The following FGD2 variants were observed in gnomAD, a reference collection of about 807,000 sequenced individuals.
FGD2 encodes FYVE, RhoGEF and PH domain-containing protein 2.
FGD2 carries 52 observed loss-of-function variants against 75.9 expected under a neutral mutation model. That is an observed-to-expected ratio of 0.69 (90% confidence interval 0.55 to 0.86). The LOEUF is 0.86. FGD2 is among the 40% of genes least tolerant of loss of function. The pLI is 0.00. For missense variants in FGD2, 790 were observed against 872.0 expected (o/e 0.91, Z 1.18); for synonymous variants, 347 against 348.6 (o/e 1.00, Z 0.05).
rs566830080 is a variant in FGD2, at chr6:37,012,014, G to A, written c.527+160G>A. The stretch of plus-strand genomic sequence containing the variant: ...TCTGTCTGCACAGTGAAGGGCTTGG[G>A]TGAATGAGCTCTGAGAGGCTGTGTG... On this transcript the variant is annotated intron_variant, in intron 4 of 15. Coordinates refer to ENST00000274963, the MANE Select transcript of FGD2 (RefSeq NM_173558.4). 4 of 733,358 alleles carry A rather than the reference G, an allele frequency of 5.5e-6. No homozygotes were observed. In the East Asian group the frequency reaches 1.1e-4, roughly 21 times the overall value. 45.4% of individuals were successfully genotyped at this position (733,358 alleles called of 1,614,324 possible). A position where few individuals can be genotyped will look rare whatever the true frequency, so the allele number is the denominator to read the frequency against.
In FGD2 at chr6:37,013,619, C is replaced by T. The variant is rs755462020; in HGVS notation, c.538C>T (p.Pro180Ser). The T allele has an allele frequency of 1.9e-6, 3 of 1,613,724 alleles. No individual in the cohort carries two copies. The highest frequency in any genetic ancestry group is 2.7e-5 in the African/African-American group (2 of 74,902). The change falls in exon 5 of 16, where the codon CCC (proline) becomes TCC (serine). Residue 180 changes from proline (P) to serine (S), a missense_variant. Pro to Ser is a moderately conservative substitution (Grantham distance 74). Coordinates refer to ENST00000274963, the MANE Select transcript of FGD2 (RefSeq NM_173558.4). ...QRRLDDWTANPRIGDVIQKLA... is the reference protein window; with the variant it reads ...QRRLDDWTANSRIGDVIQKLA... Reference sequence around the variant, plus strand: ...GTGCCCCTCCTGCAGGACAGCTAACCCCCGCATCGGTGACGTGATCCAGAA... The same window carrying T: ...GTGCCCCTCCTGCAGGACAGCTAACTCCCGCATCGGTGACGTGATCCAGAA...
intron 12 of FGD2, 125 bp from the exon 13 acceptor site, chr6:37,022,114 C>T: frequency 7.5e-7 from 1 of 1,338,578 alleles, no homozygotes; most frequent in East Asian, 2.7e-5. Context: ...CTGTAGAAGC[C>T]CCAGGGAAGC....
At chr6:37,020,807 G>C (rs1765542800) in intron 11 of FGD2, 68 bp downstream of exon 11, 1 of 1,542,926 alleles carries the variant, frequency 6.5e-7, no homozygotes, top group African/African-American at 1.4e-5. Flanking sequence ...TTTCTTTCTT[G>C]GTACTAGACT....
rs144679174 is a variant in FGD2 at position 37,012,259 on chromosome 6, C to T, written c.527+405C>T. On this transcript the variant is annotated intron_variant, in intron 4 of 15. Coordinates refer to ENST00000274963, the MANE Select transcript of FGD2 (RefSeq NM_173558.4). ...GAAACCCTCTTGTTTTCACAGATGGCCACTAAAGCATTTAACAGTGAAGTT... is the reference window on the plus strand; with the variant it reads ...GAAACCCTCTTGTTTTCACAGATGGTCACTAAAGCATTTAACAGTGAAGTT... 4.9e-3 allele frequency among the ~76,000 whole-genome samples: 744 copies of T among 152,282 alleles called. 4 individuals are homozygous for T. The highest frequency in any genetic ancestry group is 0.017 in the African/African-American group (716 of 41,544).
chr6:37,019,869 TTGA>T (rs1765488873), intron 9 of FGD2, among the ~76,000 whole-genome samples: 1 of 150,952 alleles, frequency 6.6e-6, no homozygotes. Flanking sequence ...TTTTTTTTTT[TTGA>T]GACAGAGTCT....
intron 1 of FGD2, among the ~76,000 whole-genome samples, chr6:37,007,874 A>T (rs1190486294): frequency 6.6e-6 from 1 of 152,158 alleles, no homozygotes; most frequent in African/African-American, 2.4e-5. Context: ...CTAGGTCCCA[A>T]TGCTTTCGCT....
At chr6:37,006,312 G>A (rs1764748477) in intron 1 of FGD2, among the ~76,000 whole-genome samples, 1 of 152,218 alleles carries the variant, frequency 6.6e-6, no homozygotes, top group Non-Finnish European at 1.5e-5. Context: ...TTGTGGGGGA[G>A]GCATTACAGG....
intron 14 of FGD2, 80 bp from the exon 15 acceptor site, chr6:37,027,349 T>C: frequency 6.7e-7 from 1 of 1,502,402 alleles, no homozygotes; most frequent in Non-Finnish European, 9.1e-7. Context: ...GGATTGGAGA[T>C]AGTGATTGTC....
chr6:37,008,807 GC>G lies in FGD2; in HGVS notation c.69-24del, dbSNP rs1203208038. The G allele has an allele frequency of 3.3e-6, 5 of 1,520,460 alleles. No homozygotes were observed. The South Asian group carries it at 6.6e-5, about 20-fold the overall frequency. The allele number at this position is 1,520,460 out of a possible 1,614,324, so 94.2% of individuals were successfully genotyped here. A position where few individuals can be genotyped will look rare whatever the true frequency, so the allele number is the denominator to read the frequency against. ...GTTTTCCCTGTTCTCCAGGGAGGAA[GC>G]CCTCAGGTCTGTCTCTTCTCCTCAG... On this transcript the variant is annotated intron_variant, in intron 1 of 15. Coordinates refer to ENST00000274963, the MANE Select transcript of FGD2 (RefSeq NM_173558.4).
At chr6:37,007,184 G>A (rs147978193) in intron 1 of FGD2, among the ~76,000 whole-genome samples, 1 of 152,298 alleles carries the variant, frequency 6.6e-6, no homozygotes, top group East Asian at 1.9e-4. Context: ...GAATAACTAT[G>A]ATGCAAGGTC....
intron 2 of FGD2, among the ~76,000 whole-genome samples, chr6:37,010,383 G>A (rs1764948315): frequency 6.6e-6 from 1 of 152,056 alleles, no homozygotes; most frequent in Admixed American, 6.5e-5. Context: ...TCTTATCATC[G>A]CATTTAACCT....
chr6:37,020,586 T>C lies in FGD2; in HGVS notation c.1168T>C (p.Ser390Pro). 1.2e-6 allele frequency: 2 copies of C among 1,609,408 alleles called. No individual in the cohort carries two copies. The highest frequency in any genetic ancestry group is 8.5e-7 in the Non-Finnish European group (1 of 1,178,344). The change falls in exon 10 of 16, where the codon TCC becomes CCC. Residue 390 changes from serine (S) to proline (P), a missense_variant. Ser to Pro is a moderately conservative substitution (Grantham distance 74). Transcript: ENST00000274963. ...TGAGTTTCCCCACTCCTTCCTGGTG[T>C]CCGGGAAGCAGCGCACCCTGGAGCT... ...DAEFPHSFLV[S>P]GKQRTLELQA...
chr6:37,017,255 T>A (rs1221916961), intron 9 of FGD2, among the ~76,000 whole-genome samples: 4 of 152,206 alleles, frequency 2.6e-5, no homozygotes, highest in African/African-American at 4.8e-5. Context: ...ACACTTAGAT[T>A]GTTTTCAGTT....
At chr6:37,015,932 G>A in intron 9 of FGD2, 72 bp downstream of exon 9, 1 of 1,371,162 alleles carries the variant, frequency 7.3e-7, no homozygotes, top group East Asian at 2.5e-5. Flanking sequence ...AAGAGGAGGG[G>A]CCAACCAGGT....
rs955607302 is a variant in FGD2 at position 37,025,474 on chromosome 6, C to G, written c.1459-318C>G. 61 of 368,308 alleles carry G rather than the reference C, an allele frequency of 1.7e-4. 3 individuals carry two copies. Among genetic ancestry groups the G allele is most frequent in the Non-Finnish European group, 1.0e-5 (2 of 195,816 alleles). 22.8% of individuals were successfully genotyped at this position (368,308 alleles called of 1,614,324 possible). On this transcript the variant is annotated intron_variant, in intron 13 of 15. Transcript: ENST00000274963. ...ATGCCAGTGGCCCGTCTGGGGCAAG[C>G]CCCTTGGGTTCACAGCAGCCCTCAC...
At chr6:37,011,571 G>A (rs754581836) in intron 3 of FGD2, 135 bp from the exon 4 acceptor site, 384 of 1,212,680 alleles carry the variant, frequency 3.2e-4, no homozygotes, top group Non-Finnish European at 4.2e-4. Flanking sequence ...TTCTTTTCCC[G>A]GGGTTGCTGT....
At chr6:37,025,616 G>A in intron 13 of FGD2, 176 bp from the exon 14 acceptor site, 2 of 654,494 alleles carry the variant, frequency 3.1e-6, no homozygotes, top group Non-Finnish European at 5.2e-6. Context: ...CCTCCAGGCA[G>A]TTGGGCCTCA....
chr6:37,026,199 C>T, intron 14 of FGD2: 2 of 985,454 alleles, frequency 2.0e-6, no homozygotes, highest in Non-Finnish European at 2.4e-6. Flanking sequence ...CTCTATGTCC[C>T]CATCCGATAG....
rs748778833 is a variant in FGD2, at chr6:37,013,654, C to T, written c.573C>T (p.Pro191=). 6.2e-7 allele frequency: 1 copy of T among 1,614,110 alleles called. No individual in the cohort carries two copies. The highest frequency in any genetic ancestry group is 8.5e-7 in the Non-Finnish European group (1 of 1,179,976). Residue 191 remains proline, a synonymous_variant, in exon 5 of 16, where the codon CCC becomes CCT. Coordinates refer to ENST00000274963, the MANE Select transcript of FGD2 (RefSeq NM_173558.4). ...GTGACGTGATCCAGAAGCTGGCCCCCTTCCTGAAGATGTACAGTGAGTATG... is the reference window on the plus strand; with the variant it reads ...GTGACGTGATCCAGAAGCTGGCCCCTTTCCTGAAGATGTACAGTGAGTATG... The part of the protein sequence containing the change: ...RIGDVIQKLA[P]FLKMYSEYVK...
Sources: allele counts gnomAD v4.1 joint callset (sites outside exome capture counted in the v4.1 genomes callset), GRCh38; gene constraint gnomAD v4.1.1; transcripts MANE v1.5; gene names NCBI Gene and HGNC (gene_info 2026-07-23, HGNC 2026-07-21).